DIAPH2: variants seen among roughly 807,000 people sequenced by gnomAD.
DIAPH2 encodes the protein diaphanous related formin 2, also known as protein diaphanous homolog 2.
Under a neutral mutation model 92.7 loss-of-function variants are expected in DIAPH2, and 35 were observed. The observed-to-expected ratio is 0.38, with a 90% CI of 0.29 to 0.50. The LOEUF is 0.50. Among genes scored for constraint, DIAPH2 ranks in the 20% least tolerant of loss-of-function variants. The pLI is 0.94. For synonymous variants in DIAPH2, 301 were observed against 280.4 expected, an observed-to-expected ratio of 1.07 and a Z score of -0.73; for missense variants, 701 against 819.5, an observed-to-expected ratio of 0.86 and a Z score of 1.77.
At chrX:97,509,808 T>A (rs1218286945) in intron 26 of DIAPH2, among the ~76,000 whole-genome samples, 4 of 110,201 alleles carry the variant, frequency 3.6e-5, no homozygotes, top group Non-Finnish European at 7.6e-5. Flanking sequence ...TATTTCCAAT[T>A]TCATCCATGT....
chrX:97,507,604 G>T (rs768810706), intron 26 of DIAPH2, among the ~76,000 whole-genome samples: 15 of 111,703 alleles, frequency 1.3e-4, no homozygotes, highest in Non-Finnish European at 2.4e-4. Context: ...AGATCATTTT[G>T]TATACGTGAC....
At chrX:96,913,920 G>A (rs920378203) in intron 7 of DIAPH2, among the ~76,000 whole-genome samples, 1 of 109,722 alleles carries the variant, frequency 9.1e-6, no homozygotes, top group Non-Finnish European at 1.9e-5. Context: ...CATACCTATA[G>A]ATAAAATACT....
intron 16 of DIAPH2, among the ~76,000 whole-genome samples, chrX:96,962,326 C>T (rs1451427706): frequency 1.0e-3 from 43 of 41,300 alleles, no homozygotes; most frequent in African/African-American, 2.2e-3. Flanking sequence ...TATATATACA[C>T]ATATATATAT....
intron 5 of DIAPH2, chrX:96,885,088 G>A (rs762246801): frequency 8.3e-7 from 1 of 1,201,547 alleles, no homozygotes; most frequent in Non-Finnish European, 1.1e-6. Flanking sequence ...TTTTAAGTCT[G>A]CTGATTGAGG....
At chrX:97,536,807 A>G (rs1487256879) in intron 26 of DIAPH2, among the ~76,000 whole-genome samples, 2 of 111,726 alleles carry the variant, frequency 1.8e-5, no homozygotes, top group Admixed American at 9.6e-5. Flanking sequence ...GACCTGGATT[A>G]TATAAAAATT....
chrX:97,070,964 G>A (rs1014444133), intron 17 of DIAPH2, among the ~76,000 whole-genome samples: 5 of 111,688 alleles, frequency 4.5e-5, no homozygotes, highest in African/African-American at 1.6e-4. Flanking sequence ...TTAGTTTGCA[G>A]AACCATCTTT....
At chrX:96,907,409 ATTC>A (rs958215915) in intron 5 of DIAPH2, among the ~76,000 whole-genome samples, 1 of 112,295 alleles carries the variant, frequency 8.9e-6, no homozygotes, top group African/African-American at 3.2e-5. Context: ...AACACCACTA[ATTC>A]TTCTTAAGCA....
At chrX:97,203,644 G>A (rs1372030107) in intron 22 of DIAPH2, among the ~76,000 whole-genome samples, 1 of 111,567 alleles carries the variant, frequency 9.0e-6, no homozygotes, top group Non-Finnish European at 1.9e-5. Flanking sequence ...TCCCTGAATA[G>A]ACCAATACCA....
At chrX:96,823,234 C>T (rs2064790209) in intron 4 of DIAPH2, among the ~76,000 whole-genome samples, 1 of 111,183 alleles carries the variant, frequency 9.0e-6, no homozygotes, top group Non-Finnish European at 1.9e-5. Context: ...CTAGCAATTC[C>T]ATTTCTAGAA....
At chrX:96,987,220 T>C (rs977370082) in intron 17 of DIAPH2, among the ~76,000 whole-genome samples, 13 of 111,785 alleles carry the variant, frequency 1.2e-4, no homozygotes, top group African/African-American at 3.2e-4. Context: ...CATTTCTGTG[T>C]ATAGGTGTTA....
At chrX:96,696,403 A>G (rs1227910446) in intron 1 of DIAPH2, among the ~76,000 whole-genome samples, 1 of 112,424 alleles carries the variant, frequency 8.9e-6, no homozygotes, top group African/African-American at 3.2e-5. Flanking sequence ...ACAAAGTTCC[A>G]TTTAGCTCTG....
chrX:96,884,355 T>C, intron 5 of DIAPH2: 1 of 1,210,768 alleles, frequency 8.3e-7, no homozygotes, highest in Non-Finnish European at 1.1e-6. Context: ...TTTCTGCTGC[T>C]GATGGAGCGA....
At chrX:96,918,293 A>G (rs1296421220) in intron 8 of DIAPH2, among the ~76,000 whole-genome samples, 2 of 111,588 alleles carry the variant, frequency 1.8e-5, no homozygotes, top group Admixed American at 1.9e-4. Context: ...GCGAGGCAAT[A>G]TATGTTAATT....
At chrX:97,553,102 G>A (rs1273847107) in intron 26 of DIAPH2, among the ~76,000 whole-genome samples, 1 of 112,079 alleles carries the variant, frequency 8.9e-6, no homozygotes, top group African/African-American at 3.2e-5. Flanking sequence ...ACACAGTTCA[G>A]CCCATAATAC....
chrX:97,368,766 G>T (rs1472966684), intron 24 of DIAPH2, among the ~76,000 whole-genome samples: 2 of 111,250 alleles, frequency 1.8e-5, no homozygotes, highest in Non-Finnish European at 3.8e-5. Flanking sequence ...AATCAGCATT[G>T]TCTTCATTAA....
chrX:96,930,903 A>G (rs991468957), intron 10 of DIAPH2, 60 bp downstream of exon 10: 47 of 1,091,442 alleles, frequency 4.3e-5, no homozygotes, highest in Non-Finnish European at 5.1e-5. Context: ...TCACTTCCAC[A>G]AAAGTACTTG....
chrX:96,823,984 A>G (rs994758322), intron 4 of DIAPH2, among the ~76,000 whole-genome samples: 1 of 109,106 alleles, frequency 9.2e-6, no homozygotes, highest in Admixed American at 9.9e-5. Flanking sequence ...AAATATATAT[A>G]TAAAGAAAGA....
chrX:96,787,387 A>G (rs1298409454), intron 4 of DIAPH2, among the ~76,000 whole-genome samples: 2 of 111,229 alleles, frequency 1.8e-5, no homozygotes, highest in African/African-American at 6.5e-5. Context: ...AAAGAAAAAA[A>G]TCATGGGTGA....
chrX:97,134,329 C>T (rs1277995777), intron 21 of DIAPH2, among the ~76,000 whole-genome samples: 4 of 111,734 alleles, frequency 3.6e-5, no homozygotes, highest in Non-Finnish European at 5.6e-5. Flanking sequence ...TAATTTCTCT[C>T]TTATTTTAAA....
Sources: gnomAD v4.1 joint callset for allele counts (sites outside exome capture counted in the v4.1 genomes callset) on GRCh38, gnomAD v4.1.1 for gene constraint, MANE v1.5 for transcripts, NCBI Gene and HGNC (gene_info 2026-07-23, HGNC 2026-07-21) for gene names.